Variants in NAV2 observed in about 807,000 individuals in gnomAD.
The protein encoded by NAV2 is neuron navigator 2.
A neutral mutation model predicts 223.2 loss-of-function variants in NAV2; 54 were observed. The observed-to-expected ratio is 0.24, with a 90% confidence interval of 0.19 to 0.30. The LOEUF (loss-of-function observed/expected upper bound fraction) is 0.30, where lower values mean the gene tolerates loss of function less well. Ranked by LOEUF, NAV2 falls within the 10% of genes least tolerant of loss-of-function variation. NAV2 has a pLI of 1.00. For missense variants in NAV2, 2,806 were observed against 3,147.5 expected (o/e 0.89, Z 2.60); for synonymous variants, 1,279 against 1,239.3 (o/e 1.03, Z -0.67).
intron 10 of NAV2, among the ~76,000 whole-genome samples, chr11:19,977,405 G>A (rs1191964884): frequency 6.6e-6 from 1 of 152,128 alleles, no homozygotes; most frequent in African/African-American, 2.4e-5. Context: ...TGTCAGTTTG[G>A]GGTGACCCAT....
chr11:19,910,801 T>C (rs773768601), intron 6 of NAV2, among the ~76,000 whole-genome samples: 1 of 152,110 alleles, frequency 6.6e-6, no homozygotes, highest in Non-Finnish European at 1.5e-5. Flanking sequence ...GAGGTTGCAG[T>C]GAGCCGAGAT....
intron 1 of NAV2, among the ~76,000 whole-genome samples, chr11:19,730,818 G>C (rs182166494): frequency 3.9e-5 from 6 of 152,296 alleles, no homozygotes; most frequent in Non-Finnish European, 8.8e-5. Flanking sequence ...AGCCTGATTG[G>C]ATAAATAACA....
chr11:19,701,557 C>T (rs963544273), intron 1 of NAV2, among the ~76,000 whole-genome samples: 3 of 152,212 alleles, frequency 2.0e-5, no homozygotes, highest in Non-Finnish European at 4.4e-5. Context: ...TTCACTGCAA[C>T]CTCAGGGAGA....
chr11:19,350,196 C>G (rs1415689115), upstream of NAV2, among the ~76,000 whole-genome samples: 2 of 152,084 alleles, frequency 1.3e-5, no homozygotes, highest in Non-Finnish European at 2.9e-5. Flanking sequence ...AAGTGGGGAG[C>G]CCGTGAGGCC....
chr11:19,425,711 A>G (rs1850800461), intron 1 of NAV2, among the ~76,000 whole-genome samples: 2 of 152,236 alleles, frequency 1.3e-5, no homozygotes, highest in East Asian at 1.9e-4. Flanking sequence ...AGGATTATCC[A>G]GAAAACCATT....
intron 1 of NAV2, among the ~76,000 whole-genome samples, chr11:19,376,037 G>T (rs1399586548): frequency 6.6e-6 from 1 of 152,140 alleles, no homozygotes; most frequent in Non-Finnish European, 1.5e-5. Flanking sequence ...TTTCTTAAAG[G>T]TAGCCTTCAT....
intron 1 of NAV2, among the ~76,000 whole-genome samples, chr11:19,581,380 A>G (rs1271595997): frequency 1.3e-5 from 2 of 151,794 alleles, no homozygotes; most frequent in South Asian, 4.2e-4. Context: ...GGTTTTTTTT[A>G]TTATTATACT....
chr11:19,857,049 T>C (rs1465462260), intron 3 of NAV2, among the ~76,000 whole-genome samples: 1 of 152,252 alleles, frequency 6.6e-6, no homozygotes, highest in African/African-American at 2.4e-5. Flanking sequence ...AGTTTCACTC[T>C]TGGCCTTCCT....
intron 29 of NAV2, among the ~76,000 whole-genome samples, chr11:20,094,544 C>T (rs1326212087): frequency 6.6e-6 from 1 of 152,106 alleles, no homozygotes; most frequent in Non-Finnish European, 1.5e-5. Flanking sequence ...CTCATTCTTA[C>T]AGTAAATGCA....
At chr11:19,491,322 A>G (rs2042619440) in intron 1 of NAV2, among the ~76,000 whole-genome samples, 1 of 152,228 alleles carries the variant, frequency 6.6e-6, no homozygotes, top group African/African-American at 2.4e-5. Context: ...TCTTCTTCCA[A>G]TAGAATGCTG....
At chr11:19,358,660 C>G (rs7938401) in intron 1 of NAV2, among the ~76,000 whole-genome samples, 4,819 of 152,246 alleles carry the variant, frequency 0.032, 259 homozygotes, top group African/African-American at 0.11. Flanking sequence ...TACCAATCTG[C>G]ATACCTGGGA....
chr11:20,046,152 G>A (rs1308255640), intron 14 of NAV2, among the ~76,000 whole-genome samples: 5 of 152,020 alleles, frequency 3.3e-5, no homozygotes, highest in African/African-American at 1.2e-4. Flanking sequence ...TGGCCAATAT[G>A]GTGAAACCCC....
chr11:19,401,416 T>C (rs1347794618), intron 1 of NAV2, among the ~76,000 whole-genome samples: 3 of 152,244 alleles, frequency 2.0e-5, no homozygotes, highest in Admixed American at 1.3e-4. Context: ...AAATAACTTA[T>C]GTATGGCATT....
intron 1 of NAV2, among the ~76,000 whole-genome samples, chr11:19,462,596 A>C (rs1235447301): frequency 6.6e-6 from 1 of 152,254 alleles, no homozygotes; most frequent in Non-Finnish European, 1.5e-5. Context: ...AGTCATATAT[A>C]AACTGCCTGA....
At chr11:20,085,159 C>G (rs1171303320) in intron 26 of NAV2, among the ~76,000 whole-genome samples, 1 of 151,262 alleles carries the variant, frequency 6.6e-6, no homozygotes, top group Non-Finnish European at 1.5e-5. Flanking sequence ...ACCCTGTACT[C>G]CAGCCTGGGT....
At chr11:19,994,100 A>G (rs965535359) in intron 11 of NAV2, among the ~76,000 whole-genome samples, 1 of 152,220 alleles carries the variant, frequency 6.6e-6, no homozygotes, top group Non-Finnish European at 1.5e-5. Flanking sequence ...ACTTGCTGTT[A>G]TCCTAATAAA....
At chr11:20,095,451 A>G (rs1164852113) in intron 29 of NAV2, among the ~76,000 whole-genome samples, 1 of 152,190 alleles carries the variant, frequency 6.6e-6, no homozygotes, top group Non-Finnish European at 1.5e-5. Context: ...CAGAGAGGAA[A>G]TCCTCTTTTC....
intron 12 of NAV2, among the ~76,000 whole-genome samples, chr11:20,041,285 C>T (rs1279468110): frequency 6.6e-6 from 1 of 152,214 alleles, no homozygotes; most frequent in Non-Finnish European, 1.5e-5. Flanking sequence ...TGCATCTCTA[C>T]TTCCTCACTA....
intron 1 of NAV2, chr11:19,519,811 A>C (rs2043584437): frequency 6.6e-6 from 1 of 151,822 alleles, no homozygotes; most frequent in Admixed American, 6.6e-5. Flanking sequence ...CTGCGTGATC[A>C]CCAGAGGAGT....
Sources: allele counts gnomAD v4.1 joint callset (sites outside exome capture counted in the v4.1 genomes callset), GRCh38; gene constraint gnomAD v4.1.1; transcripts MANE v1.5; gene names NCBI Gene and HGNC (gene_info 2026-07-23, HGNC 2026-07-21).